Variants in DYM observed in about 807,000 individuals in gnomAD.
DYM encodes dyggve-Melchior-Clausen syndrome protein.
A neutral mutation model predicts 93.1 loss-of-function variants in DYM; 78 were observed. The observed-to-expected ratio is 0.84, with a 90% confidence interval of 0.70 to 1.01. DYM has a LOEUF of 1.01. Among genes scored for constraint, DYM ranks in the 50% least tolerant of loss-of-function variants. The pLI is 0.00. For synonymous variants in DYM, 321 were observed against 319.7 expected, an observed-to-expected ratio of 1.00 and a Z score of -0.04; for missense variants, 789 against 845.0, an observed-to-expected ratio of 0.93 and a Z score of 0.82.
chr18:49,406,706 G>A (rs1344333088), intron 2 of DYM, among the ~76,000 whole-genome samples: 2 of 152,194 alleles, frequency 1.3e-5, no homozygotes, highest in African/African-American at 4.8e-5. Flanking sequence ...ATGCCAGCGA[G>A]GAGGCAGATA....
At chr18:49,188,950 T>C (rs916591944) in intron 14 of DYM, among the ~76,000 whole-genome samples, 2 of 151,638 alleles carry the variant, frequency 1.3e-5, no homozygotes, top group Non-Finnish European at 2.9e-5. Context: ...AATGGTGGAG[T>C]GGATGAAGAA....
chr18:49,321,379 T>G (rs74823965), intron 8 of DYM: 39,334 of 398,088 alleles, frequency 0.099, 3,305 homozygotes, highest in East Asian at 0.36. Flanking sequence ...CCTTCAAATC[T>G]GTTAACAAGA....
intron 17 of DYM, among the ~76,000 whole-genome samples, chr18:49,050,812 T>G (rs926578320): frequency 3.3e-5 from 5 of 152,168 alleles, no homozygotes; most frequent in African/African-American, 1.2e-4. Flanking sequence ...TGTTGACTTG[T>G]GCACCATTTG....
intron 14 of DYM, among the ~76,000 whole-genome samples, chr18:49,198,236 T>C (rs2091661704): frequency 6.6e-6 from 1 of 152,168 alleles, no homozygotes; most frequent in Non-Finnish European, 1.5e-5. Context: ...TAATTCAAGA[T>C]GGATTAAAGA....
chr18:49,199,627 A>G (rs2091837018), intron 14 of DYM, among the ~76,000 whole-genome samples: 1 of 152,266 alleles, frequency 6.6e-6, no homozygotes, highest in African/African-American at 2.4e-5. Flanking sequence ...AAATCAATAA[A>G]GCACAGCCAC....
intron 8 of DYM, among the ~76,000 whole-genome samples, chr18:49,292,312 ACAGGCAGGCAGGCAGG>A (rs60150235): frequency 9.0e-6 from 1 of 110,926 alleles, no homozygotes; most frequent in African/African-American, 3.2e-5. Flanking sequence ...AGACAGACAG[ACAGGCAGGCAGGCAGG>A]CAGGCAGGCA....
chr18:49,430,745 C>T (rs767941716), intron 1 of DYM, among the ~76,000 whole-genome samples: 3 of 151,986 alleles, frequency 2.0e-5, no homozygotes, highest in Non-Finnish European at 1.5e-5. Context: ...CTTAGCTGGG[C>T]GTGGTGGCAC....
chr18:49,429,474 AT>A (rs1490487544), intron 2 of DYM, among the ~76,000 whole-genome samples: 16 of 152,202 alleles, frequency 1.1e-4, no homozygotes, highest in Non-Finnish European at 2.2e-4. Context: ...CTTCATTATT[AT>A]TGTCTGACAG....
chr18:49,272,973 A>G (rs2094748700), intron 10 of DYM, among the ~76,000 whole-genome samples: 1 of 152,080 alleles, frequency 6.6e-6, no homozygotes. Flanking sequence ...GTCTTGTTGG[A>G]AACAACCATG....
At chr18:49,256,344 T>C (rs578241899) in intron 13 of DYM, among the ~76,000 whole-genome samples, 1 of 152,006 alleles carries the variant, frequency 6.6e-6, no homozygotes, top group East Asian at 1.9e-4. Flanking sequence ...GAGGTCAGAG[T>C]GATGAGGTAT....
chr18:49,430,896 A>G (rs1295544340), intron 1 of DYM, among the ~76,000 whole-genome samples: 1 of 152,104 alleles, frequency 6.6e-6, no homozygotes, highest in African/African-American at 2.4e-5. Flanking sequence ...AAAAAAAAAA[A>G]AAAGAAATAT....
chr18:49,251,833 T>C (rs2094294388), intron 13 of DYM, among the ~76,000 whole-genome samples: 2 of 152,130 alleles, frequency 1.3e-5, no homozygotes, highest in Admixed American at 1.3e-4. Context: ...CTCTACATTG[T>C]ACTGTCTGCC....
At chr18:49,216,917 G>A (rs1187854727) in intron 13 of DYM, among the ~76,000 whole-genome samples, 8 of 152,230 alleles carry the variant, frequency 5.3e-5, no homozygotes, top group Admixed American at 1.3e-4. Context: ...TGACTTTGAC[G>A]AGTGGAGAGA....
chr18:49,182,967 A>G (rs1021001787), intron 14 of DYM, among the ~76,000 whole-genome samples: 11 of 152,228 alleles, frequency 7.2e-5, no homozygotes, highest in Non-Finnish European at 1.3e-4. Flanking sequence ...ATTTTTGAAC[A>G]TCTGTGTGAA....
At chr18:49,188,482 T>C (rs902517693) in intron 14 of DYM, among the ~76,000 whole-genome samples, 1 of 152,146 alleles carries the variant, frequency 6.6e-6, no homozygotes, top group African/African-American at 2.4e-5. Context: ...CTTAAGAATA[T>C]GGGTACACAT....
At chr18:49,132,299 ATTAAACTAC>A (rs1202051694) in intron 15 of DYM, among the ~76,000 whole-genome samples, 6 of 152,186 alleles carry the variant, frequency 3.9e-5, no homozygotes, top group Admixed American at 2.0e-4. Context: ...ATGGGGGTTC[ATTAAACTAC>A]TTTTGTGTAT....
chr18:49,069,179 T>C (rs904353059), intron 17 of DYM, among the ~76,000 whole-genome samples: 4 of 152,230 alleles, frequency 2.6e-5, no homozygotes, highest in African/African-American at 7.2e-5. Flanking sequence ...AACGTGTTCA[T>C]GGAAAATAGT....
chr18:49,321,193 C>T (rs1343843076), intron 8 of DYM: 3 of 392,620 alleles, frequency 7.6e-6, no homozygotes, highest in Admixed American at 4.4e-5. Flanking sequence ...ATTTACAACT[C>T]AGTCTCAAAA....
intron 13 of DYM, among the ~76,000 whole-genome samples, chr18:49,213,235 AT>A (rs1277121395): frequency 1.2e-4 from 19 of 152,134 alleles, no homozygotes; most frequent in African/African-American, 4.3e-4. Flanking sequence ...TTTTCTAATA[AT>A]GTATTTTTCA....
Sources: gnomAD v4.1 joint callset for allele counts (sites outside exome capture counted in the v4.1 genomes callset) on GRCh38, gnomAD v4.1.1 for gene constraint, MANE v1.5 for transcripts, NCBI Gene and HGNC (gene_info 2026-07-23, HGNC 2026-07-21) for gene names.